The following CREB5 variants were observed in gnomAD, a reference collection of about 807,000 sequenced individuals.
CREB5 encodes cyclic AMP-responsive element-binding protein 5.
Under a neutral mutation model 57.1 loss-of-function variants are expected in CREB5, and 19 were observed. That is an observed-to-expected ratio of 0.33 (90% CI 0.23 to 0.49). CREB5 has a LOEUF of 0.49. Among genes scored for constraint, CREB5 ranks in the 20% least tolerant of loss-of-function variants. CREB5 has a pLI of 0.99. For synonymous variants in CREB5, 238 were observed against 238.3 expected, an observed-to-expected ratio of 1.00 and a Z score of 0.01; for missense variants, 579 against 671.6, an observed-to-expected ratio of 0.86 and a Z score of 1.52.
upstream of CREB5, among the ~76,000 whole-genome samples, chr7:28,407,843 C>T (rs773877578): frequency 1.3e-5 from 2 of 152,218 alleles, no homozygotes; most frequent in African/African-American, 4.8e-5. Context: ...CAATGTATTA[C>T]AGTTTCTAGC....
intron 1 of CREB5, among the ~76,000 whole-genome samples, chr7:28,347,963 G>C (rs1458331604): frequency 6.6e-6 from 1 of 152,112 alleles, no homozygotes; most frequent in South Asian, 2.1e-4. Context: ...TTCCAAACAA[G>C]CCACCTGGTT....
At chr7:28,794,982 A>G (rs539388651) in intron 7 of CREB5, among the ~76,000 whole-genome samples, 2 of 152,294 alleles carry the variant, frequency 1.3e-5, no homozygotes, top group South Asian at 4.1e-4. Flanking sequence ...ATCCAACACT[A>G]TTAGATATGA....
At chr7:28,559,429 C>G (rs1794994515) in intron 4 of CREB5, among the ~76,000 whole-genome samples, 1 of 152,174 alleles carries the variant, frequency 6.6e-6, no homozygotes, top group Non-Finnish European at 1.5e-5. Flanking sequence ...ATTCTCCTGC[C>G]TCAGCCTCCT....
upstream of CREB5, chr7:28,410,337 G>A: frequency 2.2e-6 from 1 of 456,686 alleles, no homozygotes; most frequent in Non-Finnish European, 4.4e-6. Context: ...TGACAGCTCC[G>A]GCTCGAGCTT....
chr7:28,476,597 AT>A (rs893737043), intron 1 of CREB5, among the ~76,000 whole-genome samples: 2 of 152,202 alleles, frequency 1.3e-5, no homozygotes, highest in African/African-American at 4.8e-5. Flanking sequence ...AGGAGATTTA[AT>A]TGTTTCTTTT....
chr7:28,446,130 C>A (rs1233117160), intron 1 of CREB5, among the ~76,000 whole-genome samples: 1 of 152,192 alleles, frequency 6.6e-6, no homozygotes, highest in Non-Finnish European at 1.5e-5. Context: ...CGTCCCCTCC[C>A]ACTTTATTCC....
chr7:28,371,280 C>T (rs931584768), intron 1 of CREB5, among the ~76,000 whole-genome samples: 4 of 151,790 alleles, frequency 2.6e-5, no homozygotes, highest in Admixed American at 1.3e-4. Context: ...ACCATCATGG[C>T]CAACATGGTG....
rs747112064 is a variant in CREB5 at position 28,572,155 on chromosome 7, G to A, written c.464+1618G>A. Among the ~76,000 whole-genome samples, 49 of 152,274 alleles carry A rather than the reference G, an allele frequency of 3.2e-4. 1 individual carries two copies. Among genetic ancestry groups the A allele is most frequent in the Admixed American group, 7.8e-4 (12 of 15,298 alleles). Reference sequence around the variant, plus strand: ...AACTTACCAGGAATGGCTGTGATACGTTAAGACCCACCTTAAGAAATGAGA... The same window carrying A: ...AACTTACCAGGAATGGCTGTGATACATTAAGACCCACCTTAAGAAATGAGA... On this transcript the variant is annotated intron_variant, in intron 5 of 10. Transcript: ENST00000357727.
At chr7:28,483,763 C>T (rs73077714) in intron 1 of CREB5, among the ~76,000 whole-genome samples, 13,824 of 152,174 alleles carry the variant, frequency 0.091, 1,033 homozygotes, top group East Asian at 0.36. Context: ...TGAATTAATA[C>T]ATTTACTTGT....
chr7:28,620,169 A>T (rs1166591048), intron 5 of CREB5, among the ~76,000 whole-genome samples: 1 of 152,196 alleles, frequency 6.6e-6, no homozygotes, highest in Non-Finnish European at 1.5e-5. Flanking sequence ...GTCGTCTCAT[A>T]GATTCTTCTA....
chr7:28,795,755 C>CT (rs367853221), intron 7 of CREB5, among the ~76,000 whole-genome samples: 1,427 of 137,458 alleles, frequency 0.01, 28 homozygotes, highest in African/African-American at 0.026. Context: ...GTTTTTCTTT[C>CT]TTTTTTTTTT....
chr7:28,684,473 T>C (rs966999783), intron 5 of CREB5, among the ~76,000 whole-genome samples: 18 of 152,210 alleles, frequency 1.2e-4, no homozygotes, highest in African/African-American at 4.3e-4. Flanking sequence ...TGGGCAAATA[T>C]TGCTTTTTAA....
intron 7 of CREB5, among the ~76,000 whole-genome samples, chr7:28,743,047 G>A (rs112599908): frequency 0.12 from 17,744 of 152,216 alleles, 1,209 homozygotes; most frequent in Middle Eastern, 0.17. Context: ...GCCTTCCAAA[G>A]TGCTGGAATT....
chr7:28,436,291 T>G (rs932274921), intron 1 of CREB5, among the ~76,000 whole-genome samples: 16 of 152,162 alleles, frequency 1.1e-4, no homozygotes, highest in African/African-American at 3.9e-4. Context: ...TTTCCACTTA[T>G]GTTTTCCAAT....
chr7:28,577,529 C>T (rs780119602), intron 5 of CREB5, among the ~76,000 whole-genome samples: 3 of 152,170 alleles, frequency 2.0e-5, no homozygotes, highest in Non-Finnish European at 4.4e-5. Context: ...ATGCATGATT[C>T]TGTTACCCAG....
At chr7:28,696,512 T>C (rs1318289770) in intron 5 of CREB5, among the ~76,000 whole-genome samples, 1 of 152,158 alleles carries the variant, frequency 6.6e-6, no homozygotes, top group African/African-American at 2.4e-5. Flanking sequence ...AAGGATCTTA[T>C]AGGGTTTTTC....
chr7:28,571,864 G>A (rs1795717889), intron 5 of CREB5, among the ~76,000 whole-genome samples: 1 of 152,196 alleles, frequency 6.6e-6, no homozygotes, highest in Non-Finnish European at 1.5e-5. Flanking sequence ...GTTGCTGGTC[G>A]CTGAGAACTG....
At chr7:28,390,546 C>G (rs1037306744) in intron 1 of CREB5, among the ~76,000 whole-genome samples, 2 of 152,134 alleles carry the variant, frequency 1.3e-5, no homozygotes, top group Non-Finnish European at 1.5e-5. Context: ...CTGACAGAAA[C>G]TTCTCCCTTT....
At chr7:28,775,542 C>CTATATATATATATATATATATATATATA (rs1806570052) in intron 7 of CREB5, among the ~76,000 whole-genome samples, 2 of 54,826 alleles carry the variant, frequency 3.6e-5, no homozygotes, top group Non-Finnish European at 4.2e-5. Flanking sequence ...TATTCCTTAG[C>CTATATATATATATATATATATATATATA]CATATATATA....
Sources: allele counts gnomAD v4.1 joint callset (sites outside exome capture counted in the v4.1 genomes callset), GRCh38; gene constraint gnomAD v4.1.1; transcripts MANE v1.5; gene names NCBI Gene and HGNC (gene_info 2026-07-23, HGNC 2026-07-21).